The following ATAD1 variants were observed in gnomAD, a reference collection of about 807,000 sequenced individuals.
ATAD1 encodes outer mitochondrial transmembrane helix translocase.
A neutral mutation model predicts 42.7 loss-of-function variants in ATAD1; 18 were observed. The observed-to-expected ratio is 0.42, with a 90% confidence interval of 0.29 to 0.63. ATAD1 has a LOEUF of 0.63. Among genes scored for constraint, ATAD1 ranks in the 20% least tolerant of loss-of-function variants. ATAD1 has a pLI of 0.19. For synonymous variants in ATAD1, 132 were observed against 143.1 expected (o/e 0.92, Z 0.55); for missense variants, 294 against 440.4 (o/e 0.67, Z 2.98).
chr10:87,826,514 G>T (rs769356624), intron 1 of ATAD1, among the ~76,000 whole-genome samples: 1 of 152,192 alleles, frequency 6.6e-6, no homozygotes, highest in Admixed American at 6.5e-5. Flanking sequence ...TTCTTCTATA[G>T]TGTTTTGTAA....
chr10:87,798,050 C>A (rs1389740191), intron 2 of ATAD1, among the ~76,000 whole-genome samples: 1 of 152,056 alleles, frequency 6.6e-6, no homozygotes, highest in East Asian at 1.9e-4. Context: ...ACAAGAAAAT[C>A]CCCAACAAAA....
chr10:87,780,958 G>A (rs1855533811), intron 5 of ATAD1, among the ~76,000 whole-genome samples: 1 of 152,154 alleles, frequency 6.6e-6, no homozygotes, highest in African/African-American at 2.4e-5. Flanking sequence ...TAGGACCATG[G>A]GGAGTCTCTT....
intron 8 of ATAD1, among the ~76,000 whole-genome samples, chr10:87,762,614 G>A (rs997951876): frequency 6.6e-6 from 1 of 151,720 alleles, no homozygotes; most frequent in Non-Finnish European, 1.5e-5. Flanking sequence ...ACGGTTGCCA[G>A]CCACCATGTC....
chr10:87,783,603 C>T (rs1054103264), intron 5 of ATAD1, among the ~76,000 whole-genome samples: 30 of 151,270 alleles, frequency 2.0e-4, no homozygotes, highest in Non-Finnish European at 4.0e-4. Flanking sequence ...AGTAATAAAG[C>T]TATATAAATA....
chr10:87,819,334 C>T (rs1219468186), upstream of ATAD1: 1 of 147,830 alleles, frequency 6.8e-6, no homozygotes, highest in Admixed American at 6.8e-5. Flanking sequence ...TGTCTGTAGT[C>T]CCAGCTACTT....
At chr10:87,816,971 C>T (rs1857445399) in intron 1 of ATAD1, among the ~76,000 whole-genome samples, 1 of 152,102 alleles carries the variant, frequency 6.6e-6, no homozygotes, top group African/African-American at 2.4e-5. Flanking sequence ...TGAACACATC[C>T]CAGTCATCAA....
chr10:87,810,623 A>C (rs1857136261), intron 2 of ATAD1, among the ~76,000 whole-genome samples: 1 of 152,178 alleles, frequency 6.6e-6, no homozygotes, highest in Admixed American at 6.5e-5. Flanking sequence ...TCTTTGCCTT[A>C]CAATTTCTTT....
chr10:87,813,290 T>G (rs1857266043), intron 2 of ATAD1, among the ~76,000 whole-genome samples: 1 of 151,948 alleles, frequency 6.6e-6, no homozygotes, highest in South Asian at 2.1e-4. Context: ...CTTTCATGAT[T>G]CAGGTGGGAG....
chr10:87,812,394 C>T (rs1210901693), intron 2 of ATAD1, among the ~76,000 whole-genome samples: 5 of 151,980 alleles, frequency 3.3e-5, no homozygotes, highest in African/African-American at 7.2e-5. Context: ...CTCAACCTCC[C>T]GAGTAGCTGG....
chr10:87,779,846 C>A (rs1387597329), intron 5 of ATAD1, among the ~76,000 whole-genome samples: 1 of 152,118 alleles, frequency 6.6e-6, no homozygotes, highest in Non-Finnish European at 1.5e-5. Flanking sequence ...AAGATGTATA[C>A]CAATAGGAAC....
At chr10:87,760,205 C>A (rs1458978932) in intron 8 of ATAD1, among the ~76,000 whole-genome samples, 1 of 152,114 alleles carries the variant, frequency 6.6e-6, no homozygotes, top group Admixed American at 6.5e-5. Context: ...GGCTCTGTGT[C>A]CCCACCGAAG....
chr10:87,792,622 C>G, intron 3 of ATAD1, 35 bp downstream of exon 3: 1 of 1,355,216 alleles, frequency 7.4e-7, no homozygotes, highest in Non-Finnish European at 1.1e-6. Context: ...ACCCCCACCT[C>G]TAAAAAAATC....
chr10:87,791,571 C>T (rs1166372978), intron 3 of ATAD1, among the ~76,000 whole-genome samples: 1 of 152,096 alleles, frequency 6.6e-6, no homozygotes, highest in African/African-American at 2.4e-5. Context: ...AATCTATAAA[C>T]CAAATTCAAA....
At chr10:87,806,415 T>C (rs976254650) in intron 2 of ATAD1, among the ~76,000 whole-genome samples, 1 of 152,160 alleles carries the variant, frequency 6.6e-6, no homozygotes. Context: ...ACATTATTAT[T>C]ATCTTTCAAG....
intron 9 of ATAD1, among the ~76,000 whole-genome samples, chr10:87,756,040 T>C (rs896954888): frequency 6.6e-6 from 1 of 152,148 alleles, no homozygotes; most frequent in Non-Finnish European, 1.5e-5. Context: ...TCGCAAAACA[T>C]TTTTTTGCTG....
At chr10:87,775,431 A>G in intron 6 of ATAD1, among the ~76,000 whole-genome samples, 1 of 147,430 alleles carries the variant, frequency 6.8e-6, no homozygotes, top group African/African-American at 2.6e-5. Context: ...AAAAAAAAAA[A>G]AAAAAAAAAA....
chr10:87,768,191 G>A (rs1284852334), intron 7 of ATAD1, among the ~76,000 whole-genome samples: 1 of 152,074 alleles, frequency 6.6e-6, no homozygotes, highest in Non-Finnish European at 1.5e-5. Flanking sequence ...TTAATTTAGT[G>A]CTGATGATAT....
chr10:87,800,974 C>T (rs1317308378), intron 2 of ATAD1, among the ~76,000 whole-genome samples: 2 of 152,130 alleles, frequency 1.3e-5, no homozygotes, highest in Non-Finnish European at 2.9e-5. Flanking sequence ...TAATGCAAAA[C>T]CAACATATGG....
chr10:87,832,982 A>G (rs1310707413), intron 1 of ATAD1: 1 of 152,126 alleles, frequency 6.6e-6, no homozygotes, highest in Non-Finnish European at 1.5e-5. Context: ...GGAGGTCACC[A>G]TATTGATGCC....
Sources: gnomAD v4.1 joint callset for allele counts (sites outside exome capture counted in the v4.1 genomes callset) on GRCh38, gnomAD v4.1.1 for gene constraint, MANE v1.5 for transcripts, NCBI Gene and HGNC (gene_info 2026-07-23, HGNC 2026-07-21) for gene names.